PKHD1: variants seen among roughly 807,000 people sequenced by gnomAD.
PKHD1 encodes fibrocystin.
Under a neutral mutation model 412.0 loss-of-function variants are expected in PKHD1, and 291 were observed. That is an observed-to-expected ratio of 0.71 (90% CI 0.64 to 0.78). PKHD1 has a LOEUF of 0.78. Ranked by LOEUF, PKHD1 falls within the 30% of genes least tolerant of loss-of-function variation. The pLI is 0.00. For synonymous variants in PKHD1, 1,777 were observed against 1,821.5 expected, an observed-to-expected ratio of 0.98 and a Z score of 0.62; for missense variants, 4,825 against 4,950.7, an observed-to-expected ratio of 0.97 and a Z score of 0.76.
At position 51,868,109 on chromosome 6, in the gene PKHD1, C is replaced by A; in HGVS notation, c.7487G>T (p.Gly2496Val). 2 of 1,610,558 alleles carry A rather than the reference C, an allele frequency of 1.2e-6. No homozygotes were observed. The highest frequency in any genetic ancestry group is 1.1e-5 in the South Asian group (1 of 90,974). ...CTGGCTGGTCTTCACAGTAAATCCA[C>A]CTATAAATTGGAAAACAGAAAGATT... is the stretch of plus-strand genomic sequence containing the variant. ...RTCSDCSQGQ[G>V]GFTVKTSQLK... Residue 2496 changes from glycine to valine, a missense_variant and splice_region_variant, in exon 48 of 67, where the codon GGT becomes GTT. Gly to Val is a moderately radical substitution (Grantham distance 109, BLOSUM62 -3). Transcript: ENST00000371117.
intron 27 of PKHD1, among the ~76,000 whole-genome samples, chr6:52,038,310 G>A (rs946463661): frequency 2.0e-5 from 3 of 151,638 alleles, no homozygotes; most frequent in African/African-American, 4.9e-5. Context: ...GGCAGGCAAA[G>A]GTTGCAGTGA....
At chr6:52,083,030 G>C (rs1216133082) in intron 3 of PKHD1, 148 bp downstream of exon 3, 1 of 685,946 alleles carries the variant, frequency 1.5e-6, no homozygotes, top group Non-Finnish European at 2.7e-6. Context: ...CCAGTATCTA[G>C]AAAGACAGAA....
rs183992358 is a variant in PKHD1 at position 52,047,731 on chromosome 6, T to G, written c.2407+761A>C. Among the ~76,000 whole-genome samples the G allele has an allele frequency of 2.3e-4, 35 of 152,336 alleles. No homozygotes were observed. The East Asian group carries it at 5.8e-3, about 25-fold the overall frequency. On this transcript the variant is annotated intron_variant, in intron 23 of 66. Transcript: ENST00000371117. ...AGGACTGACCCAGGAATCAAATACC[T>G]GGGTTCACAACTGGACCCTGTCATC...
intron 60 of PKHD1, among the ~76,000 whole-genome samples, chr6:51,742,909 C>T (rs1331883307): frequency 6.6e-6 from 1 of 152,018 alleles, no homozygotes; most frequent in Non-Finnish European, 1.5e-5. Context: ...ATTTGAACAG[C>T]GGGAACTAGC....
At chr6:51,850,910 C>A (rs552835674) in intron 49 of PKHD1, among the ~76,000 whole-genome samples, 1 of 152,044 alleles carries the variant, frequency 6.6e-6, no homozygotes, top group South Asian at 2.1e-4. Context: ...CCTGATTACC[C>A]GGCCAGAACT....
intron 60 of PKHD1, among the ~76,000 whole-genome samples, chr6:51,732,354 T>G (rs1230026391): frequency 6.6e-6 from 1 of 152,102 alleles, no homozygotes; most frequent in Non-Finnish European, 1.5e-5. Flanking sequence ...AAAGGAAACC[T>G]GAAGTATGGG....
At chr6:52,084,718 C>G (rs1456150498) in intron 2 of PKHD1, among the ~76,000 whole-genome samples, 164 bp downstream of exon 2, 1 of 152,140 alleles carries the variant, frequency 6.6e-6, no homozygotes, top group Admixed American at 6.5e-5. Flanking sequence ...TACCTTAACA[C>G]CTGCTCTGAA....
chr6:51,764,817 A>G (rs534462412), intron 55 of PKHD1, among the ~76,000 whole-genome samples: 25 of 151,790 alleles, frequency 1.6e-4, no homozygotes, highest in African/African-American at 5.8e-4. Context: ...CATGTTCTCC[A>G]TTCTCCCTCC....
In PKHD1 at chr6:51,659,869, A is replaced by G. The variant is rs2150417980; in HGVS notation, c.10257T>C (p.Asp3419=). 1 of 1,613,600 alleles carries G rather than the reference A, an allele frequency of 6.2e-7. No homozygotes were observed. Among genetic ancestry groups the G allele is most frequent in the Non-Finnish European group, 8.5e-7 (1 of 1,179,648 alleles). The change falls in exon 61 of 67, where the codon GAT becomes GAC. Residue 3419 remains aspartate (D), a synonymous_variant. Coordinates refer to ENST00000371117, the MANE Select transcript of PKHD1 (RefSeq NM_138694.4). ...ATAACTTCTGAATTGCCCAAATGGC[A>G]TCAGCGCTATCAAGAATTAGGACCA... The part of the protein sequence containing the change: ...DQVVLILDSA[D]AIWAIQKLYP...
intron 60 of PKHD1, among the ~76,000 whole-genome samples, chr6:51,678,984 T>G (rs1467487180): frequency 6.6e-6 from 1 of 152,044 alleles, no homozygotes; most frequent in East Asian, 1.9e-4. Flanking sequence ...TCTCCAGCCC[T>G]CAGTTTGAAG....
chr6:51,692,133 C>T (rs1778235034), intron 60 of PKHD1, among the ~76,000 whole-genome samples: 1 of 152,026 alleles, frequency 6.6e-6, no homozygotes, highest in Non-Finnish European at 1.5e-5. Context: ...TCACTCCTCC[C>T]AATCTCTCAA....
At chr6:52,032,891 A>T in intron 29 of PKHD1, 139 bp downstream of exon 29, 2 of 766,388 alleles carry the variant, frequency 2.6e-6, no homozygotes, top group South Asian at 1.5e-5. Context: ...GATGATGGCT[A>T]AGATGAAAAA....
At chr6:51,620,993 C>T (rs1228592704) in intron 66 of PKHD1, among the ~76,000 whole-genome samples, 1 of 151,978 alleles carries the variant, frequency 6.6e-6, no homozygotes, top group East Asian at 1.9e-4. Flanking sequence ...GATTCTCTTG[C>T]TTAGAGCTAT....
intron 60 of PKHD1, among the ~76,000 whole-genome samples, chr6:51,740,689 G>A (rs1389898180): frequency 6.6e-6 from 1 of 152,190 alleles, no homozygotes; most frequent in Non-Finnish European, 1.5e-5. Flanking sequence ...CTGCAAAGTA[G>A]CTAAGAGAAA....
chr6:51,741,782 C>T (rs1194708377), intron 60 of PKHD1, among the ~76,000 whole-genome samples: 1 of 152,172 alleles, frequency 6.6e-6, no homozygotes, highest in African/African-American at 2.4e-5. Flanking sequence ...GGATTCTAAG[C>T]CTTGTATCAG....
chr6:52,030,843 G>A (rs1802933757), intron 29 of PKHD1, among the ~76,000 whole-genome samples: 1 of 152,172 alleles, frequency 6.6e-6, no homozygotes, highest in Admixed American at 6.5e-5. Flanking sequence ...GCAGTTTCAT[G>A]GGGCATGCAA....
intron 52 of PKHD1, among the ~76,000 whole-genome samples, chr6:51,812,637 G>C (rs9370063): frequency 0.78 from 118,741 of 152,134 alleles, 46,613 homozygotes; most frequent in East Asian, 0.97. Context: ...GTATTTTACC[G>C]CAAAATATAT....
chr6:51,741,839 T>C (rs1784594521), intron 60 of PKHD1, among the ~76,000 whole-genome samples: 1 of 152,232 alleles, frequency 6.6e-6, no homozygotes, highest in Non-Finnish European at 1.5e-5. Flanking sequence ...CTTCAGTCTT[T>C]ATTCCCTTCT....
intron 35 of PKHD1, among the ~76,000 whole-genome samples, chr6:51,997,986 T>A (rs1008856807): frequency 5.3e-5 from 8 of 152,070 alleles, no homozygotes; most frequent in Admixed American, 5.2e-4. Context: ...TGGAATAGAG[T>A]GGGTCTGCCA....
Sources: gnomAD v4.1 joint callset for allele counts (sites outside exome capture counted in the v4.1 genomes callset) on GRCh38, gnomAD v4.1.1 for gene constraint, MANE v1.5 for transcripts, NCBI Gene and HGNC (gene_info 2026-07-23, HGNC 2026-07-21) for gene names.